Variants in SORBS2 observed in about 807,000 individuals in gnomAD.
The protein encoded by SORBS2 is sorbin and SH3 domain-containing protein 2.
SORBS2 carries 46 observed loss-of-function variants against 97.7 expected under a neutral mutation model. The observed-to-expected ratio is 0.47, with a 90% CI of 0.37 to 0.60. The LOEUF is 0.60. Among genes scored for constraint, SORBS2 ranks in the 20% least tolerant of loss-of-function variants. The pLI is 0.00. For synonymous variants in SORBS2, 476 were observed against 473.4 expected (o/e 1.01, Z -0.07); for missense variants, 1,316 against 1,282.3 (o/e 1.03, Z -0.40).
At chr4:185,807,279 G>C (rs1036781717) in intron 1 of SORBS2, among the ~76,000 whole-genome samples, 2 of 151,992 alleles carry the variant, frequency 1.3e-5, no homozygotes, top group African/African-American at 4.8e-5. Flanking sequence ...TTTTTATTGT[G>C]TTTTTGTTTT....
intron 2 of SORBS2, among the ~76,000 whole-genome samples, chr4:185,763,630 A>G (rs1451737666): frequency 6.6e-6 from 1 of 152,208 alleles, no homozygotes; most frequent in Non-Finnish European, 1.5e-5. Flanking sequence ...CACAACACCC[A>G]CGTGCCCCAT....
chr4:185,731,726 G>C (rs1231433194), intron 2 of SORBS2, among the ~76,000 whole-genome samples: 55 of 26,726 alleles, frequency 2.1e-3, no homozygotes, highest in Admixed American at 4.5e-3. Flanking sequence ...CTCCCTCCCT[G>C]CCTGTCTCTC....
At chr4:185,660,087 C>G (rs2097491238), upstream of SORBS2, among the ~76,000 whole-genome samples, 1 of 152,190 alleles carries the variant, frequency 6.6e-6, no homozygotes, top group African/African-American at 2.4e-5. Flanking sequence ...CACTGGCCAG[C>G]TGGAATTTGT....
At chr4:185,818,479 G>A (rs1055572520) in intron 1 of SORBS2, among the ~76,000 whole-genome samples, 18 of 152,164 alleles carry the variant, frequency 1.2e-4, no homozygotes, top group African/African-American at 2.6e-4. Context: ...ATGAGCCACC[G>A]TGCCCAGCAG....
chr4:185,680,879 G>C (rs1181693672), intron 2 of SORBS2, among the ~76,000 whole-genome samples: 2 of 152,096 alleles, frequency 1.3e-5, no homozygotes, highest in Admixed American at 6.6e-5. Flanking sequence ...CCCAGGAGAC[G>C]GTAAGTGTGA....
At chr4:185,658,073 CA>C (rs1189889145), upstream of SORBS2, among the ~76,000 whole-genome samples, 1 of 152,046 alleles carries the variant, frequency 6.6e-6, no homozygotes, top group Non-Finnish European at 1.5e-5. Context: ...TATTTCCAGA[CA>C]AAGACATGAC....
At chr4:185,925,769 C>G (rs1054185938) in intron 1 of SORBS2, among the ~76,000 whole-genome samples, 2 of 151,948 alleles carry the variant, frequency 1.3e-5, no homozygotes, top group African/African-American at 2.4e-5. Context: ...TCCCATGGGT[C>G]AAGCAGGTAT....
At chr4:185,618,953 G>A (rs1174084665) in intron 8 of SORBS2, among the ~76,000 whole-genome samples, 1 of 152,214 alleles carries the variant, frequency 6.6e-6, no homozygotes, top group East Asian at 1.9e-4. Flanking sequence ...CTCTTCCTAG[G>A]ATAAATGTGG....
intron 12 of SORBS2, among the ~76,000 whole-genome samples, chr4:185,599,595 C>T (rs74640102): frequency 0.018 from 2,753 of 152,206 alleles, 89 homozygotes; most frequent in African/African-American, 0.062. Flanking sequence ...CAAACATGAC[C>T]GGAAGTGTGT....
At chr4:185,930,387 C>T (rs1050947468) in intron 1 of SORBS2, among the ~76,000 whole-genome samples, 3 of 152,154 alleles carry the variant, frequency 2.0e-5, no homozygotes, top group Admixed American at 6.5e-5. Context: ...CTCCACCACC[C>T]GGGTTCACGC....
chr4:185,590,300 G>A (rs1195086589), intron 13 of SORBS2, among the ~76,000 whole-genome samples: 1 of 152,186 alleles, frequency 6.6e-6, no homozygotes, highest in Non-Finnish European at 1.5e-5. Context: ...GACAAAATGT[G>A]TCAGACATGT....
chr4:185,751,320 A>G (rs1013189500), intron 2 of SORBS2, among the ~76,000 whole-genome samples: 1 of 152,122 alleles, frequency 6.6e-6, no homozygotes, highest in Non-Finnish European at 1.5e-5. Context: ...CTGAGAATCA[A>G]GAGATGAGGA....
chr4:185,691,768 T>C (rs1375263156), intron 2 of SORBS2, among the ~76,000 whole-genome samples: 3 of 151,922 alleles, frequency 2.0e-5, no homozygotes, highest in African/African-American at 4.8e-5. Flanking sequence ...TTTTTTGAGA[T>C]GAGTCTCGCT....
At chr4:185,804,721 A>G (rs1328793481) in intron 1 of SORBS2, among the ~76,000 whole-genome samples, 2 of 152,194 alleles carry the variant, frequency 1.3e-5, no homozygotes, top group South Asian at 2.1e-4. Context: ...ATTATTATCA[A>G]TATCTTTTGG....
intron 2 of SORBS2, among the ~76,000 whole-genome samples, chr4:185,719,986 C>T (rs945350336): frequency 3.9e-5 from 6 of 152,240 alleles, no homozygotes; most frequent in Non-Finnish European, 8.8e-5. Flanking sequence ...ATGCTGTGTG[C>T]ATCTTCCAAG....
chr4:185,929,529 GGT>G (rs1491549396), intron 1 of SORBS2, among the ~76,000 whole-genome samples: 105 of 138,642 alleles, frequency 7.6e-4, no homozygotes, highest in African/African-American at 2.9e-3. Context: ...TTTTTTGTTG[GGT>G]TTTTTTTTTT....
rs567611086 is a variant in SORBS2, at chr4:185,711,323, A to G, written c.-197-32501T>C. ...GAGACTCTTAACCAGGCCATTTTAC[A>G]ACCAATTTCATGCATTCTACAATTA... On this transcript the variant is annotated intron_variant, in intron 2 of 20. Coordinates refer to the SORBS2 transcript ENST00000284776. Among the ~76,000 whole-genome samples the G allele has an allele frequency of 4.6e-5, 7 of 152,264 alleles. No individual in the cohort carries two copies. The East Asian group carries it at 9.7e-4, about 21-fold the overall frequency.
intron 2 of SORBS2, among the ~76,000 whole-genome samples, chr4:185,751,183 A>AAAAAAAAAAAAAAAAAAAAAAAAG (rs2098797095): frequency 7.1e-6 from 1 of 141,412 alleles, no homozygotes; most frequent in Admixed American, 7.1e-5. Flanking sequence ...AAAAAAAAAA[A>AAAAAAAAAAAAAAAAAAAAAAAAG]AAAAAAAAGA....
In SORBS2 at chr4:185,718,586, C is replaced by G. The variant is rs117986571; in HGVS notation, c.-197-39764G>C. Among the ~76,000 whole-genome samples, 110 of 152,310 alleles carry G rather than the reference C, an allele frequency of 7.2e-4. 1 individual carries two copies. The East Asian group carries it at 0.019, about 26-fold the overall frequency. On this transcript the variant is annotated intron_variant, in intron 2 of 20. Coordinates refer to the SORBS2 transcript ENST00000284776. ...CCATGATAGGTGCACAGTTGGCGTA[C>G]AGGTTACCTAGGGCTGGATACTGAT... is the stretch of plus-strand genomic sequence containing the variant.
Sources: allele counts gnomAD v4.1 joint callset (sites outside exome capture counted in the v4.1 genomes callset), GRCh38; gene constraint gnomAD v4.1.1; transcripts MANE v1.5; gene names NCBI Gene and HGNC (gene_info 2026-07-23, HGNC 2026-07-21).